RGS20: variants seen among roughly 807,000 people sequenced by gnomAD.
RGS20 encodes the protein gz-selective GTPase-activating protein.
RGS20 carries 30 observed loss-of-function variants against 33.6 expected under a neutral mutation model. The ratio of observed to expected loss-of-function variants is 0.89; its 90% confidence interval spans 0.67 to 1.21. RGS20 has a LOEUF of 1.21. Ranked by LOEUF, RGS20 falls within the 50% of genes most tolerant of loss-of-function variation. The pLI is 0.00. For missense variants in RGS20, 472 were observed against 502.4 expected (o/e 0.94, Z 0.58); for synonymous variants, 208 against 197.9 (o/e 1.05, Z -0.43).
chr8:53,950,810 T>C (rs1345374815), intron 4 of RGS20, among the ~76,000 whole-genome samples: 1 of 152,118 alleles, frequency 6.6e-6, no homozygotes, highest in East Asian at 1.9e-4. Context: ...AGACGGGGTT[T>C]CACCATGTTG....
At chr8:53,923,008 G>A (rs1813695255) in intron 2 of RGS20, among the ~76,000 whole-genome samples, 1 of 151,846 alleles carries the variant, frequency 6.6e-6, no homozygotes, top group Non-Finnish European at 1.5e-5. Flanking sequence ...ATACCTTAAT[G>A]TATCAGAATC....
intron 2 of RGS20, among the ~76,000 whole-genome samples, chr8:53,887,748 G>A (rs1435080967): frequency 1.3e-5 from 2 of 152,162 alleles, no homozygotes; most frequent in African/African-American, 2.4e-5. Flanking sequence ...AGGCCAAGAC[G>A]GGTGGATCAC....
At chr8:53,946,893 T>C in intron 4 of RGS20, 145 bp downstream of exon 3, 2 of 580,932 alleles carry the variant, frequency 3.4e-6, no homozygotes, top group South Asian at 5.7e-5. Context: ...CTCGCATTCC[T>C]CCCCTGCAGA....
intron 2 of RGS20, chr8:53,879,665 A>G (rs561238607): frequency 1.5e-6 from 2 of 1,321,816 alleles, no homozygotes; most frequent in Middle Eastern, 2.5e-4. Context: ...GCCTCTCCCG[A>G]TTCTTCCTAA....
intron 3 of RGS20, among the ~76,000 whole-genome samples, chr8:53,942,194 A>C (rs1325479159): frequency 6.6e-6 from 1 of 151,840 alleles, no homozygotes; most frequent in African/African-American, 2.4e-5. Context: ...AATCGCTTGA[A>C]CCTGGGAGGC....
At chr8:53,891,879 AT>A (rs977764681) in intron 2 of RGS20, among the ~76,000 whole-genome samples, 15 of 150,942 alleles carry the variant, frequency 9.9e-5, no homozygotes, top group South Asian at 4.2e-4. Flanking sequence ...CTAGGCCCAG[AT>A]TTTTTTTTAA....
intron 5 of RGS20, among the ~76,000 whole-genome samples, chr8:53,955,116 T>C (rs1376041070): frequency 6.6e-6 from 1 of 151,366 alleles, no homozygotes; most frequent in Non-Finnish European, 1.5e-5. Context: ...GCAGCTGTTT[T>C]CTACATTTTG....
rs138636662 is a variant in RGS20 at position 53,874,367 on chromosome 8, G to GGTGTGT, written c.166-4861_166-4856dup. Among the ~76,000 whole-genome samples, 642 of 146,580 alleles carry GGTGTGT rather than the reference G, an allele frequency of 4.4e-3. 4 individuals are homozygous for GGTGTGT. Among genetic ancestry groups the GGTGTGT allele is most frequent in the African/African-American group, 7.7e-3 (308 of 39,916 alleles). The stretch of plus-strand genomic sequence containing the variant: ...CCCCAGAGAATCAGAAGCAATAAGG[G>GGTGTGT]GTGTGTGTGTGTGTGTGTGTGTGTG... On this transcript the variant is annotated intron_variant, in intron 1 of 5. Coordinates refer to ENST00000297313, the MANE Select transcript of RGS20 (RefSeq NM_170587.4).
chr8:53,935,635 G>T (rs989930688), intron 2 of RGS20, among the ~76,000 whole-genome samples: 6 of 152,030 alleles, frequency 3.9e-5, no homozygotes, highest in Middle Eastern at 3.4e-3. Context: ...CCAAAAAAAG[G>T]CCCAGGACCA....
Position 53,851,801 on chromosome 8 carries a change from A to G in RGS20, c.-99A>G. ...GAAGTCTCCCCACAGATTCAGAGCC[A>G]GCCCAGCATTAACCAAACAAAGAGA... On this transcript the variant is annotated 5_prime_UTR_variant, in exon 1 of 6. Coordinates refer to ENST00000297313, the MANE Select transcript of RGS20 (RefSeq NM_170587.4). 1 of 1,295,514 alleles carries G rather than the reference A, an allele frequency of 7.7e-7. No homozygotes were observed. 80.3% of individuals were successfully genotyped at this position (1,295,514 alleles called of 1,614,324 possible).
At chr8:53,916,632 T>C (rs575110150) in intron 2 of RGS20, among the ~76,000 whole-genome samples, 4 of 152,330 alleles carry the variant, frequency 2.6e-5, no homozygotes, top group African/African-American at 9.6e-5. Context: ...TCCTGATGTT[T>C]TAAAGTTTAC....
chr8:53,852,804 A>G (rs1451841965), intron 1 of RGS20, among the ~76,000 whole-genome samples: 6 of 152,232 alleles, frequency 3.9e-5, no homozygotes, highest in Admixed American at 3.9e-4. Context: ...CTTTAACACC[A>G]GAAAATTCAC....
At chr8:53,854,538 G>T (rs73680329) in intron 1 of RGS20, among the ~76,000 whole-genome samples, 298 of 152,030 alleles carry the variant, frequency 2.0e-3, no homozygotes, top group African/African-American at 6.7e-3. Flanking sequence ...ACTACACACC[G>T]AGAAGAATAG....
intron 4 of RGS20, 152 bp downstream of exon 3, chr8:53,946,900 C>A (rs1814497283): frequency 1.8e-6 from 1 of 565,136 alleles, no homozygotes; most frequent in South Asian, 2.9e-5. Context: ...TCCTCCCCTG[C>A]AGAATTCCAT....
chr8:53,917,667 G>T (rs1813528301), intron 2 of RGS20, among the ~76,000 whole-genome samples: 1 of 152,186 alleles, frequency 6.6e-6, no homozygotes, highest in Non-Finnish European at 1.5e-5. Context: ...ACTTTGGGAA[G>T]CCAAGGTAGG....
At chr8:53,920,277 A>T (rs1291505187) in intron 2 of RGS20, among the ~76,000 whole-genome samples, 1 of 151,940 alleles carries the variant, frequency 6.6e-6, no homozygotes, top group Non-Finnish European at 1.5e-5. Flanking sequence ...TATTCTTTTG[A>T]TACTATATTG....
At chr8:53,903,388 A>G (rs866732308) in intron 2 of RGS20, among the ~76,000 whole-genome samples, 10 of 152,228 alleles carry the variant, frequency 6.6e-5, no homozygotes, top group African/African-American at 1.7e-4. Flanking sequence ...AATGTTGTCA[A>G]CTTTGACTAA....
intron 2 of RGS20, among the ~76,000 whole-genome samples, chr8:53,909,517 G>A (rs1230474006): frequency 6.6e-6 from 1 of 151,772 alleles, no homozygotes; most frequent in Non-Finnish European, 1.5e-5. Flanking sequence ...GTCTCCCAAA[G>A]TGCTGGGATT....
At chr8:53,891,690 A>T (rs1273351130) in intron 2 of RGS20, among the ~76,000 whole-genome samples, 1 of 152,110 alleles carries the variant, frequency 6.6e-6, no homozygotes, top group Non-Finnish European at 1.5e-5. Flanking sequence ...TTACATTGTT[A>T]TCTTTCTTTT....
Sources: allele counts gnomAD v4.1 joint callset (sites outside exome capture counted in the v4.1 genomes callset), GRCh38; gene constraint gnomAD v4.1.1; transcripts MANE v1.5; gene names NCBI Gene and HGNC (gene_info 2026-07-23, HGNC 2026-07-21).